ADAMTSL3: variants seen among roughly 807,000 people sequenced by gnomAD.
The protein encoded by ADAMTSL3 is ADAMTS like 3, also known as ADAMTS-like protein 3.
In ADAMTSL3, 128 loss-of-function variants were observed where a neutral mutation model predicts 201.7. That is an observed-to-expected ratio of 0.63 (90% CI 0.55 to 0.73). The LOEUF (loss-of-function observed/expected upper bound fraction) is 0.73. ADAMTSL3 is among the 30% of genes least tolerant of loss of function. ADAMTSL3 has a pLI of 0.00. For missense variants in ADAMTSL3, 1,990 were observed against 2,119.6 expected, an observed-to-expected ratio of 0.94 and a Z score of 1.20; for synonymous variants, 738 against 748.4, an observed-to-expected ratio of 0.99 and a Z score of 0.23.
At chr15:83,970,726 T>G in intron 20 of ADAMTSL3, 89 bp downstream of exon 20, 4 of 1,500,828 alleles carry the variant, frequency 2.7e-6, no homozygotes, top group Non-Finnish European at 3.6e-6. Context: ...TCAACAGATT[T>G]CTAATCTGTG....
At chr15:83,669,496 C>A (rs1168135166) in intron 2 of ADAMTSL3, among the ~76,000 whole-genome samples, 10 of 108,482 alleles carry the variant, frequency 9.2e-5, no homozygotes, top group Admixed American at 2.5e-4. Flanking sequence ...GAGACAGAGT[C>A]TTGCTCTGTC....
At chr15:83,952,247 G>T (rs535954384) in intron 19 of ADAMTSL3, among the ~76,000 whole-genome samples, 13 of 151,906 alleles carry the variant, frequency 8.6e-5, no homozygotes, top group African/African-American at 3.1e-4. Context: ...TTTAAATTCC[G>T]TGTATTTGTA....
intron 7 of ADAMTSL3, among the ~76,000 whole-genome samples, chr15:83,848,377 T>C (rs1206149429): frequency 6.6e-6 from 1 of 152,252 alleles, no homozygotes; most frequent in African/African-American, 2.4e-5. Context: ...GTTTATTGAT[T>C]AGTTAATATT....
intron 4 of ADAMTSL3, among the ~76,000 whole-genome samples, chr15:83,793,295 T>C (rs1442060354): frequency 6.6e-6 from 1 of 152,178 alleles, no homozygotes; most frequent in Non-Finnish European, 1.5e-5. Flanking sequence ...AGTTAATATA[T>C]TGTATTATTG....
At chr15:83,860,282 GACAAA>G (rs966658719) in intron 8 of ADAMTSL3, among the ~76,000 whole-genome samples, 1 of 152,172 alleles carries the variant, frequency 6.6e-6, no homozygotes, top group African/African-American at 2.4e-5. Flanking sequence ...AGCAAAGTGG[GACAAA>G]ACAAAACAAA....
At chr15:83,783,837 CTGTGTGTGTGTGTG>C (rs59071955) in intron 4 of ADAMTSL3, among the ~76,000 whole-genome samples, 9 of 148,660 alleles carry the variant, frequency 6.1e-5, no homozygotes, top group South Asian at 2.2e-4. Flanking sequence ...CATATATACT[CTGTGTGTGTGTGTG>C]TGTGTGTGTG....
intron 15 of ADAMTSL3, among the ~76,000 whole-genome samples, chr15:83,909,569 A>G (rs1277431319): frequency 6.6e-6 from 1 of 152,196 alleles, no homozygotes; most frequent in Non-Finnish European, 1.5e-5. Flanking sequence ...TGTAGTTTAC[A>G]TACAATAAAC....
At chr15:83,710,666 A>T (rs927165773) in intron 3 of ADAMTSL3, among the ~76,000 whole-genome samples, 1 of 152,172 alleles carries the variant, frequency 6.6e-6, no homozygotes, top group African/African-American at 2.4e-5. Flanking sequence ...CCTTCCTGGG[A>T]TGTCATTGGC....
chr15:83,949,882 G>A (rs547482871), intron 19 of ADAMTSL3, among the ~76,000 whole-genome samples: 83 of 151,912 alleles, frequency 5.5e-4, no homozygotes, highest in Non-Finnish European at 1.1e-3. Context: ...CTATAGAGTT[G>A]TGTGAGCCCC....
At chr15:83,739,714 T>C (rs2062425028) in intron 3 of ADAMTSL3, 1 of 348,854 alleles carries the variant, frequency 2.9e-6, no homozygotes, top group South Asian at 2.6e-5. Flanking sequence ...CTTGGTAGTC[T>C]GTTAGTGGGA....
intron 23 of ADAMTSL3, among the ~76,000 whole-genome samples, chr15:83,997,459 C>T (rs2067708540): frequency 6.6e-6 from 1 of 151,962 alleles, no homozygotes; most frequent in African/African-American, 2.4e-5. Flanking sequence ...TGTGGTGGCA[C>T]ATGCCTGTAA....
At chr15:83,780,423 AC>A (rs202075608) in intron 4 of ADAMTSL3, among the ~76,000 whole-genome samples, 9,648 of 147,962 alleles carry the variant, frequency 0.065, 410 homozygotes, top group East Asian at 0.17. Flanking sequence ...AAAAAAAAAA[AC>A]AAACTTCTCA....
At position 83,654,660 on chromosome 15, in the gene ADAMTSL3, G is replaced by A. The variant is rs2061051365; in HGVS notation, c.-34+384G>A. Among the ~76,000 whole-genome samples, 1 of 152,160 alleles carries A rather than the reference G, an allele frequency of 6.6e-6. No individual in the cohort carries two copies. Among genetic ancestry groups the A allele is most frequent in the Non-Finnish European group, 1.5e-5 (1 of 68,018 alleles). On this transcript the variant is annotated intron_variant, in intron 1 of 29. Coordinates refer to ENST00000286744, the MANE Select transcript of ADAMTSL3 (RefSeq NM_207517.3). This position sits in a 1 kb window ranked among gnomAD's most constrained non-coding sequence, Gnocchi z 5.3. ...CTGGGTAGCGAGCGCCCAGAACGCC[G>A]GGGGTTGAGGCGACGCGCGATCGTG...
intron 4 of ADAMTSL3, among the ~76,000 whole-genome samples, chr15:83,790,264 T>C (rs73437276): frequency 2.4e-4 from 35 of 144,664 alleles, no homozygotes; most frequent in African/African-American, 8.0e-4. Flanking sequence ...TACCAAACCA[T>C]ACAAAGACTA....
rs535822448 is a variant in ADAMTSL3 at position 83,929,647 on chromosome 15, C to A, written c.2117+5614C>A. On this transcript the variant is annotated intron_variant, in intron 17 of 29. Transcript: ENST00000286744. ...TATAAATGCCTTTGTGACCCTGGAT[C>A]CAACTCTTAAACCACATCTCCTGTC... Among the ~76,000 whole-genome samples the A allele has an allele frequency of 2.0e-5, 3 of 151,896 alleles. No homozygotes were observed. The South Asian group carries it at 6.2e-4, about 32-fold the overall frequency.
intron 6 of ADAMTSL3, among the ~76,000 whole-genome samples, chr15:83,828,071 T>C (rs2064065830): frequency 6.6e-6 from 1 of 152,136 alleles, no homozygotes; most frequent in African/African-American, 2.4e-5. Flanking sequence ...GTGAAGAAGA[T>C]TGGTGGCTTG....
In ADAMTSL3 at chr15:83,914,186, T is replaced by A. The variant is rs186537443; in HGVS notation, c.1987+808T>A. On this transcript the variant is annotated intron_variant, in intron 16 of 29. Coordinates refer to ENST00000286744, the MANE Select transcript of ADAMTSL3 (RefSeq NM_207517.3). ...GCTGCTATGTAAAGAGCTTGGTGCC[T>A]GAATGTGCTCTGCTCTTGATCCAGC... Among the ~76,000 whole-genome samples the A allele has an allele frequency of 9.1e-4, 139 of 152,324 alleles. 2 individuals carry two copies. The highest frequency in any genetic ancestry group is 3.2e-3 in the African/African-American group (131 of 41,578).
chr15:83,947,189 G>T (rs1472444628), intron 19 of ADAMTSL3, among the ~76,000 whole-genome samples: 1 of 152,094 alleles, frequency 6.6e-6, no homozygotes, highest in Non-Finnish European at 1.5e-5. Context: ...TGGCTCACTT[G>T]GGGGCAGCCA....
rs528353896 is a variant in ADAMTSL3 at position 83,880,522 on chromosome 15, C to G, written c.961-4579C>G. Among the ~76,000 whole-genome samples, 10 of 152,284 alleles carry G rather than the reference C, an allele frequency of 6.6e-5. No individual in the cohort carries two copies. The South Asian group carries it at 2.1e-3, about 32-fold the overall frequency. ...AACCTAAAATGTTTACTATCTGGCT[C>G]TTTATAAAATACTTGCCAAAGTCTA... is the stretch of plus-strand genomic sequence containing the variant. On this transcript the variant is annotated intron_variant, in intron 9 of 29. Transcript: ENST00000286744.
Sources: allele counts gnomAD v4.1 joint callset (sites outside exome capture counted in the v4.1 genomes callset), GRCh38; gene constraint gnomAD v4.1.1; non-coding constraint Gnocchi (gnomAD v3.1); transcripts MANE v1.5; gene names NCBI Gene and HGNC (gene_info 2026-07-23, HGNC 2026-07-21).